B4GALT1: variants seen among roughly 807,000 people sequenced by gnomAD.
The protein encoded by B4GALT1 is beta-1,4-galactosyltransferase 1.
B4GALT1 carries 16 observed loss-of-function variants against 34.9 expected under a neutral mutation model. That is an observed-to-expected ratio of 0.46 (90% CI 0.31 to 0.70). B4GALT1 has a LOEUF of 0.70. Ranked by LOEUF, B4GALT1 falls within the 30% of genes least tolerant of loss-of-function variation. B4GALT1 has a pLI of 0.05. For synonymous variants in B4GALT1, 221 were observed against 218.1 expected, an observed-to-expected ratio of 1.01 and a Z score of -0.12; for missense variants, 445 against 530.5, an observed-to-expected ratio of 0.84 and a Z score of 1.58.
At chr9:33,104,769 T>G in exon 3 of B4GALT1, 2 of 455,532 alleles carry the variant, frequency 4.4e-6, no homozygotes, top group South Asian at 3.1e-5. Flanking sequence ...AGGAGTCTTC[T>G]TATTTTTTCA....
the B4GALT1 span, among the ~76,000 whole-genome samples, chr9:33,181,836 T>C: frequency 6.6e-6 from 1 of 152,344 alleles, no homozygotes; most frequent in Non-Finnish European, 1.5e-5. Flanking sequence ...AGGACTCCTC[T>C]AACAAATTAT....
At chr9:33,138,733 C>G (rs1195650846) in intron 1 of B4GALT1, among the ~76,000 whole-genome samples, 3 of 152,152 alleles carry the variant, frequency 2.0e-5, no homozygotes, top group African/African-American at 7.2e-5. Context: ...CCTGACCTCA[C>G]AGCCAACAGA....
chr9:33,121,532 T>C (rs1156259294), intron 2 of B4GALT1, among the ~76,000 whole-genome samples: 1 of 148,246 alleles, frequency 6.7e-6, no homozygotes, highest in Non-Finnish European at 1.5e-5. Flanking sequence ...CCGGCTTTTT[T>C]TTTTTTTTTT....
At chr9:33,130,999 C>G (rs1840187166) in intron 2 of B4GALT1, among the ~76,000 whole-genome samples, 2 of 152,114 alleles carry the variant, frequency 1.3e-5, no homozygotes, top group Non-Finnish European at 2.9e-5. Context: ...AGAAGGATGC[C>G]TCATAACCCT....
At chr9:33,166,358 C>G (rs1048789840) in intron 1 of B4GALT1, among the ~76,000 whole-genome samples, 1 of 152,162 alleles carries the variant, frequency 6.6e-6, no homozygotes, top group East Asian at 1.9e-4. Context: ...GGGAGCCTCA[C>G]GTCAGTCCCC....
chr9:33,166,663 G>T, intron 1 of B4GALT1, 95 bp downstream of exon 1: 13 of 1,309,142 alleles, frequency 9.9e-6, no homozygotes, highest in Non-Finnish European at 1.2e-5. Flanking sequence ...GCTGGCTGTC[G>T]TAGAAGAGCC....
At chr9:33,168,230 G>T (rs1429820546), upstream of B4GALT1, among the ~76,000 whole-genome samples, 1 of 152,208 alleles carries the variant, frequency 6.6e-6, no homozygotes, top group East Asian at 1.9e-4. Context: ...TTCTGGCTCC[G>T]AAACCCATGT....
the B4GALT1 span, among the ~76,000 whole-genome samples, chr9:33,174,990 AATATATATATATATATAT>A: frequency 1.2e-3 from 6 of 4,832 alleles, no homozygotes; most frequent in Non-Finnish European, 2.3e-3. Context: ...AAAAAAAAAA[AATATATATATATATATAT>A]ATATATATAT....
the B4GALT1 span, among the ~76,000 whole-genome samples, chr9:33,176,298 T>C: frequency 6.6e-6 from 1 of 152,246 alleles, no homozygotes; most frequent in African/African-American, 2.4e-5. Flanking sequence ...CACTACTGCT[T>C]ACACTGGTAC....
chr9:33,125,219 G>C (rs1332137625), intron 2 of B4GALT1, among the ~76,000 whole-genome samples: 12 of 152,194 alleles, frequency 7.9e-5, no homozygotes, highest in African/African-American at 2.9e-4. Flanking sequence ...GGGAGAGAAG[G>C]CATCTGTAGG....
At chr9:33,158,936 G>C (rs1840636943) in intron 1 of B4GALT1, among the ~76,000 whole-genome samples, 1 of 152,126 alleles carries the variant, frequency 6.6e-6, no homozygotes, top group African/African-American at 2.4e-5. Flanking sequence ...CTGGGGGGAG[G>C]GGGTCTCTCC....
chr9:33,181,144 G>C, the B4GALT1 span, among the ~76,000 whole-genome samples: 1 of 152,140 alleles, frequency 6.6e-6, no homozygotes, highest in Non-Finnish European at 1.5e-5. Flanking sequence ...CCTTGGCCAG[G>C]CACAATGGCT....
intron 1 of B4GALT1, among the ~76,000 whole-genome samples, chr9:33,139,056 C>G (rs1840310729): frequency 6.6e-6 from 1 of 152,192 alleles, no homozygotes; most frequent in African/African-American, 2.4e-5. Flanking sequence ...GATCGAGCAC[C>G]AAGCCAGAGA....
chr9:33,183,956 G>A, the B4GALT1 span, among the ~76,000 whole-genome samples: 4 of 152,044 alleles, frequency 2.6e-5, no homozygotes, highest in Non-Finnish European at 5.9e-5. Flanking sequence ...TTGTTAAGTG[G>A]GAGTTGAACA....
chr9:33,132,913 A>T (rs1753855), intron 2 of B4GALT1, among the ~76,000 whole-genome samples: 2 of 151,602 alleles, frequency 1.3e-5, no homozygotes, highest in African/African-American at 2.4e-5. Flanking sequence ...TATTTATTTT[A>T]TTTTTTTGAG....
At chr9:33,162,105 A>G (rs1305095112) in intron 1 of B4GALT1, among the ~76,000 whole-genome samples, 26 of 152,212 alleles carry the variant, frequency 1.7e-4, no homozygotes, top group Admixed American at 1.7e-3. Context: ...TGCTACCCAA[A>G]GACCATAATA....
At chr9:33,128,883 CA>C (rs1438048105) in intron 2 of B4GALT1, among the ~76,000 whole-genome samples, 1 of 152,178 alleles carries the variant, frequency 6.6e-6, no homozygotes, top group African/African-American at 2.4e-5. Context: ...GGACCAGTGA[CA>C]GAGACAACTG....
chr9:33,148,804 T>A (rs972805773), intron 1 of B4GALT1, among the ~76,000 whole-genome samples: 330 of 127,572 alleles, frequency 2.6e-3, no homozygotes, highest in Middle Eastern at 4.1e-3. Context: ...TGCCTAAAAG[T>A]AAAAAAAAAA....
intron 2 of B4GALT1, among the ~76,000 whole-genome samples, chr9:33,128,789 AGGC>A (rs1840150362): frequency 6.6e-6 from 1 of 152,230 alleles, no homozygotes; most frequent in Admixed American, 6.5e-5. Context: ...CCATAAGCCC[AGGC>A]AGCTGTCCTC....
Sources: gnomAD v4.1 joint callset for allele counts (sites outside exome capture counted in the v4.1 genomes callset) on GRCh38, gnomAD v4.1.1 for gene constraint, MANE v1.5 for transcripts, NCBI Gene and HGNC (gene_info 2026-07-23, HGNC 2026-07-21) for gene names.